SLC7A5: variants seen among roughly 807,000 people sequenced by gnomAD.
The protein encoded by SLC7A5 is solute carrier family 7 member 5.
SLC7A5 carries 23 observed loss-of-function variants against 50.2 expected under a neutral mutation model. That is an observed-to-expected ratio of 0.46 (90% CI 0.33 to 0.65). SLC7A5 has a LOEUF of 0.65. SLC7A5 is among the 30% of genes least tolerant of loss of function. SLC7A5 has a pLI of 0.02. For missense variants in SLC7A5, 578 were observed against 684.4 expected (o/e 0.84, Z 1.73); for synonymous variants, 393 against 330.6 (o/e 1.19, Z -2.05).
At chr16:87,868,486 C>T (rs965690965) in intron 1 of SLC7A5, among the ~76,000 whole-genome samples, 3 of 152,236 alleles carry the variant, frequency 2.0e-5, no homozygotes, top group Non-Finnish European at 2.9e-5. Context: ...TTCCTTCTCA[C>T]CAACCAGTCA....
rs1288217452 is a variant in SLC7A5, at chr16:87,862,123, T to C, written c.538+6762A>G. On this transcript the variant is annotated intron_variant, in intron 1 of 9. Transcript: ENST00000261622. This position sits in a 1 kb window ranked among gnomAD's most constrained non-coding sequence, Gnocchi z 5.3. ...ACAGGCCTGGACTGAGAAGTGGGGC[T>C]ACAGGCTACAGGTGCTTGATACCCC... 1.3e-5 allele frequency among the ~76,000 whole-genome samples: 2 copies of C among 152,052 alleles called. No individual in the cohort carries two copies. The highest frequency in any genetic ancestry group is 2.4e-5 in the African/African-American group (1 of 41,374).
chr16:87,867,431 ATT>A (rs2055477139), intron 1 of SLC7A5, among the ~76,000 whole-genome samples: 1 of 151,984 alleles, frequency 6.6e-6, no homozygotes, highest in Non-Finnish European at 1.5e-5. Flanking sequence ...TCCTGCTACG[ATT>A]TTTCCCGGCT....
intron 1 of SLC7A5, among the ~76,000 whole-genome samples, chr16:87,864,795 T>C (rs1479202086): frequency 2.0e-5 from 3 of 152,188 alleles, no homozygotes; most frequent in Non-Finnish European, 4.4e-5. Flanking sequence ...TCAACACCAT[T>C]AGAATGTAAC....
Position 87,869,450 on chromosome 16 carries a change from A to G in SLC7A5, c.-28T>C. On this transcript the variant is annotated 5_prime_UTR_variant, in exon 1 of 10. Transcript: ENST00000261622. ...TCTGCGCACCGGCCGGGCCTGGGACACCCGGGAGCCGCGGCCCAGCGAGCA... is the reference window on the plus strand; with the variant it reads ...TCTGCGCACCGGCCGGGCCTGGGACGCCCGGGAGCCGCGGCCCAGCGAGCA... The G allele has an allele frequency of 2.2e-6, 3 of 1,354,822 alleles. No homozygotes were observed. In the South Asian group the frequency reaches 5.5e-5, roughly 25 times the overall value. The allele number at this position is 1,354,822 out of a possible 1,614,324, so 83.9% of individuals were successfully genotyped here. A position where few individuals can be genotyped will look rare whatever the true frequency, so the allele number is the denominator to read the frequency against.
chr16:87,862,052 G>A lies in SLC7A5; in HGVS notation c.538+6833C>T, dbSNP rs1377608999. ...ATCCCAGCTGTGGGGGGTTGGGGGTGGAGGGGTGCAGGGATCCCAAAACCC... is the reference window on the plus strand; with the variant it reads ...ATCCCAGCTGTGGGGGGTTGGGGGTAGAGGGGTGCAGGGATCCCAAAACCC... On this transcript the variant is annotated intron_variant, in intron 1 of 9. Transcript: ENST00000261622. The surrounding 1 kb of genome is among the most constrained non-coding windows in gnomAD (Gnocchi z 5.3). Among the ~76,000 whole-genome samples the A allele has an allele frequency of 1.3e-5, 2 of 152,208 alleles. No individual in the cohort carries two copies. The highest frequency in any genetic ancestry group is 2.4e-5 in the African/African-American group (1 of 41,456).
At chr16:87,856,795 C>G (rs1225288576) in intron 1 of SLC7A5, among the ~76,000 whole-genome samples, 1 of 152,216 alleles carries the variant, frequency 6.6e-6, no homozygotes, top group Non-Finnish European at 1.5e-5. Context: ...CACCGACAGA[C>G]AGCCCCCACC....
In SLC7A5 at chr16:87,833,353, G is replaced by A. The variant is rs1052232758; in HGVS notation, c.1469-328C>T. ...AGCAAAGTGCAACGGGGGGATGACA[G>A]GCCTTCCTGCAGGTCCACACCCGGG... On this transcript the variant is annotated intron_variant, in intron 9 of 9. Transcript: ENST00000261622. The surrounding 1 kb of genome is among the most constrained non-coding windows in gnomAD (Gnocchi z 6.0). 6.6e-6 allele frequency among the ~76,000 whole-genome samples: 1 copy of A among 152,236 alleles called. No individual in the cohort carries two copies. Among genetic ancestry groups the A allele is most frequent in the Admixed American group, 6.5e-5 (1 of 15,288 alleles).
At chr16:87,847,349 C>T (rs1237314650) in intron 2 of SLC7A5, among the ~76,000 whole-genome samples, 2 of 152,190 alleles carry the variant, frequency 1.3e-5, no homozygotes, top group Admixed American at 6.5e-5. Flanking sequence ...CGCCCCCACC[C>T]ACAGGAAGAG....
At chr16:87,856,636 CTTCT>C (rs1193376417) in intron 1 of SLC7A5, among the ~76,000 whole-genome samples, 2 of 152,238 alleles carry the variant, frequency 1.3e-5, no homozygotes, top group African/African-American at 2.4e-5. Flanking sequence ...CCTGAGACAG[CTTCT>C]TTGTCGGAAT....
At chr16:87,867,702 T>C (rs2055480731) in intron 1 of SLC7A5, among the ~76,000 whole-genome samples, 1 of 152,116 alleles carries the variant, frequency 6.6e-6, no homozygotes, top group Admixed American at 6.5e-5. Context: ...ACTATTGAGA[T>C]GCAGGCCGAT....
intron 8 of SLC7A5, among the ~76,000 whole-genome samples, chr16:87,836,098 G>A (rs932197615): frequency 2.0e-5 from 3 of 152,214 alleles, no homozygotes; most frequent in Non-Finnish European, 4.4e-5. Context: ...GTCCAGCTGG[G>A]CCCAGGCGCT....
At chr16:87,850,090 G>A (rs2055200644) in intron 2 of SLC7A5, among the ~76,000 whole-genome samples, 1 of 152,208 alleles carries the variant, frequency 6.6e-6, no homozygotes, top group Non-Finnish European at 1.5e-5. Flanking sequence ...GCTTGGTGTG[G>A]AGACCCCTCC....
intron 2 of SLC7A5, among the ~76,000 whole-genome samples, chr16:87,846,625 G>C (rs1393573598): frequency 6.6e-6 from 1 of 152,180 alleles, no homozygotes; most frequent in Non-Finnish European, 1.5e-5. Flanking sequence ...CACAGCGAGG[G>C]GGTGTCTAGG....
chr16:87,864,048 T>C (rs780068842), intron 1 of SLC7A5, among the ~76,000 whole-genome samples: 6 of 135,474 alleles, frequency 4.4e-5, no homozygotes, highest in Non-Finnish European at 9.5e-5. Flanking sequence ...TCCCAGCACT[T>C]TGGGAGGCCG....
rs1262045331 is a variant in SLC7A5 at position 87,833,819 on chromosome 16, G to A, written c.1468+595C>T. On this transcript the variant is annotated intron_variant, in intron 9 of 9. Transcript: ENST00000261622. The surrounding 1 kb of genome is among the most constrained non-coding windows in gnomAD (Gnocchi z 6.0). ...GTGACAAAGCACCCCTGGGGCTGCC[G>A]CTGCACACAGGGCCGGGGGGCGGGT... Among the ~76,000 whole-genome samples, 1 of 151,246 alleles carries A rather than the reference G, an allele frequency of 6.6e-6. No homozygotes were observed. The highest frequency in any genetic ancestry group is 2.1e-4 in the South Asian group (1 of 4,788).
chr16:87,840,318 C>T lies in SLC7A5; in HGVS notation c.815+111G>A, dbSNP rs998025801. The stretch of plus-strand genomic sequence containing the variant: ...TGGCCCCAGAGGCCCCAATCACGGC[C>T]CGACTGTGAACTGGCCTGAGCCGAC... On this transcript the variant is annotated intron_variant, in intron 4 of 9. Coordinates refer to ENST00000261622, the MANE Select transcript of SLC7A5 (RefSeq NM_003486.7). The T allele has an allele frequency of 7.0e-6, 7 of 995,800 alleles. No individual in the cohort carries two copies. The African/African-American group carries it at 8.0e-5, about 11-fold the overall frequency. 61.7% of individuals were successfully genotyped at this position (995,800 alleles called of 1,614,324 possible). A position where few individuals can be genotyped will look rare whatever the true frequency, so the allele number is the denominator to read the frequency against.
Position 87,833,065 on chromosome 16 carries a change from G to T in SLC7A5, c.1469-40C>A. ...GACAGCTGTGTTAGCCTGGGGGCTG[G>T]GTAGGCACCCGTGGGACACGGGGGC... is the stretch of plus-strand genomic sequence containing the variant. On this transcript the variant is annotated intron_variant, in intron 9 of 9. Transcript: ENST00000261622. The surrounding 1 kb of genome is among the most constrained non-coding windows in gnomAD (Gnocchi z 6.0). 2 of 1,583,464 alleles carry T rather than the reference G, an allele frequency of 1.3e-6. No individual in the cohort carries two copies. Among genetic ancestry groups the T allele is most frequent in the Non-Finnish European group, 1.7e-6 (2 of 1,152,454 alleles).
Position 87,833,073 on chromosome 16 carries a change from C to A in SLC7A5, c.1469-48G>T. 1 of 1,551,288 alleles carries A rather than the reference C, an allele frequency of 6.4e-7. No homozygotes were observed. Among genetic ancestry groups the A allele is most frequent in the Non-Finnish European group, 8.9e-7 (1 of 1,123,374 alleles). ...TGTTAGCCTGGGGGCTGGGTAGGCACCCGTGGGACACGGGGGCGTGAGCTG... is the reference window on the plus strand; with the variant it reads ...TGTTAGCCTGGGGGCTGGGTAGGCAACCGTGGGACACGGGGGCGTGAGCTG... On this transcript the variant is annotated intron_variant, in intron 9 of 9. Coordinates refer to ENST00000261622, the MANE Select transcript of SLC7A5 (RefSeq NM_003486.7). The surrounding 1 kb of genome is among the most constrained non-coding windows in gnomAD (Gnocchi z 6.0).
At chr16:87,866,436 G>A (rs113782573) in intron 1 of SLC7A5, among the ~76,000 whole-genome samples, 12,178 of 152,138 alleles carry the variant, frequency 0.08, 536 homozygotes, top group African/African-American at 0.11. Context: ...GAGTAGCTGG[G>A]ACTACAGGTG....
Sources: gnomAD v4.1 joint callset for allele counts (sites outside exome capture counted in the v4.1 genomes callset) on GRCh38, gnomAD v4.1.1 for gene constraint, Gnocchi (gnomAD v3.1) non-coding constraint, MANE v1.5 for transcripts, NCBI Gene and HGNC (gene_info 2026-07-23, HGNC 2026-07-21) for gene names.